ATP6V0D1: variants seen among roughly 807,000 people sequenced by gnomAD.
The protein encoded by ATP6V0D1 is V-type proton ATPase subunit d 1.
A neutral mutation model predicts 39.0 loss-of-function variants in ATP6V0D1; 13 were observed. The observed-to-expected ratio is 0.33, with a 90% CI of 0.22 to 0.53. The LOEUF (loss-of-function observed/expected upper bound fraction) is 0.53, where lower values mean the gene tolerates loss of function less well. ATP6V0D1 is among the 20% of genes least tolerant of loss of function. The pLI, the probability that ATP6V0D1 is intolerant of heterozygous loss-of-function variation, is 0.94. For missense variants in ATP6V0D1, 272 were observed against 470.9 expected, an observed-to-expected ratio of 0.58 and a Z score of 3.91; for synonymous variants, 191 against 191.2, an observed-to-expected ratio of 1.00 and a Z score of 0.01.
chr16:67,459,539 C>T (rs2041272602), intron 1 of ATP6V0D1, among the ~76,000 whole-genome samples: 1 of 152,238 alleles, frequency 6.6e-6, no homozygotes, highest in Non-Finnish European at 1.5e-5. Flanking sequence ...AATAGGAGGG[C>T]ATGGGACACT....
intron 1 of ATP6V0D1, among the ~76,000 whole-genome samples, chr16:67,460,541 G>C (rs1480069407): frequency 6.6e-6 from 1 of 152,198 alleles, no homozygotes; most frequent in South Asian, 2.1e-4. Flanking sequence ...CACAGTATGA[G>C]TGTCCTCTTC....
chr16:67,441,168 T>C (rs189330692), intron 4 of ATP6V0D1: 65 of 152,388 alleles, frequency 4.3e-4, no homozygotes, highest in African/African-American at 1.4e-3. Flanking sequence ...CTCTGGAGGC[T>C]AGGGCAGCTA....
At chr16:67,480,903 G>T (rs1461473074) in intron 1 of ATP6V0D1, 54 bp downstream of exon 1, 1 of 1,604,174 alleles carries the variant, frequency 6.2e-7, no homozygotes, top group Non-Finnish European at 8.5e-7. Flanking sequence ...CTACACCTCT[G>T]AACCCTCAGG....
intron 1 of ATP6V0D1, among the ~76,000 whole-genome samples, chr16:67,457,957 C>T (rs1401431635): frequency 1.3e-5 from 2 of 152,160 alleles, no homozygotes; most frequent in Non-Finnish European, 2.9e-5. Flanking sequence ...TTTAAAAGCC[C>T]CCAGGGACGA....
At chr16:67,469,569 T>TGTAAAGAGAAGTG (rs879935996) in intron 1 of ATP6V0D1, among the ~76,000 whole-genome samples, 137 of 152,218 alleles carry the variant, frequency 9.0e-4, no homozygotes, top group South Asian at 1.9e-3. Flanking sequence ...AGTCTTCAGG[T>TGTAAAGAGAAGTG]GTAAAGAGAA....
At chr16:67,475,256 G>A (rs888195762) in intron 1 of ATP6V0D1, among the ~76,000 whole-genome samples, 1 of 152,158 alleles carries the variant, frequency 6.6e-6, no homozygotes, top group Non-Finnish European at 1.5e-5. Context: ...TGTGCTAAAC[G>A]ACCTGCCACA....
At chr16:67,460,575 C>T (rs1282285321) in intron 1 of ATP6V0D1, among the ~76,000 whole-genome samples, 1 of 152,148 alleles carries the variant, frequency 6.6e-6, no homozygotes, top group African/African-American at 2.4e-5. Flanking sequence ...CTGCCAGGGC[C>T]CTTCGCAGGC....
chr16:67,462,133 G>T (rs1022937391), intron 1 of ATP6V0D1, among the ~76,000 whole-genome samples: 1 of 152,132 alleles, frequency 6.6e-6, no homozygotes, highest in Non-Finnish European at 1.5e-5. Flanking sequence ...GATCCGCCTG[G>T]ACAGCCCGTC....
intron 1 of ATP6V0D1, among the ~76,000 whole-genome samples, chr16:67,462,840 A>C (rs1025887379): frequency 4.0e-5 from 6 of 151,836 alleles, no homozygotes; most frequent in East Asian, 3.9e-4. Flanking sequence ...AAAAAAAAAA[A>C]AAACCTGGCC....
At chr16:67,448,282 A>T (rs547059349) in intron 2 of ATP6V0D1, among the ~76,000 whole-genome samples, 5 of 135,624 alleles carry the variant, frequency 3.7e-5, no homozygotes, top group Non-Finnish European at 7.5e-5. Flanking sequence ...AGCCCAGGAG[A>T]TCAAGGCTGC....
intron 2 of ATP6V0D1, among the ~76,000 whole-genome samples, chr16:67,451,110 G>T (rs2041174616): frequency 1.3e-5 from 2 of 152,206 alleles, no homozygotes. Context: ...CTTGAGGCTG[G>T]CTAAGAGGGT....
intron 2 of ATP6V0D1, chr16:67,452,512 G>A: frequency 1.1e-6 from 1 of 923,080 alleles, no homozygotes; most frequent in Non-Finnish European, 1.7e-6. Context: ...CAGGTCCCAA[G>A]GAAAAGAGTG....
intron 1 of ATP6V0D1, among the ~76,000 whole-genome samples, chr16:67,460,302 G>C (rs1400649986): frequency 6.6e-6 from 1 of 150,490 alleles, no homozygotes; most frequent in Non-Finnish European, 1.5e-5. Context: ...GGCCAGGCTG[G>C]TGGCCCAACA....
rs1461545021 is a variant in ATP6V0D1 at position 67,456,865 on chromosome 16, G to GC, written c.131-3151dup. On this transcript the variant is annotated intron_variant, in intron 1 of 7. Transcript: ENST00000290949. This position sits in a 1 kb window ranked among gnomAD's most constrained non-coding sequence, Gnocchi z 4.1. ...GCATCAGGGGCTGGGCCTCACCCGG[G>GC]CATCTGTGTACACACTGCTCTTCCA... is the stretch of plus-strand genomic sequence containing the variant. The GC allele has an allele frequency of 1.3e-5, 2 of 152,306 alleles. No individual in the cohort carries two copies. The highest frequency in any genetic ancestry group is 2.9e-5 in the Non-Finnish European group (2 of 68,150). The allele number at this position is 152,306 out of a possible 1,614,324, so 9.4% of individuals were successfully genotyped here.
chr16:67,445,967 T>G (rs1307804885), intron 2 of ATP6V0D1: 1 of 455,834 alleles, frequency 2.2e-6, no homozygotes, highest in Admixed American at 2.4e-5. Context: ...GTGAGGCACC[T>G]ATGGGATAAA....
At chr16:67,452,556 A>T in intron 2 of ATP6V0D1, 1 of 715,060 alleles carries the variant, frequency 1.4e-6, no homozygotes, top group East Asian at 2.7e-5. Flanking sequence ...TAAAAGTTAG[A>T]CAATACCCAG....
rs144456315 is a variant in ATP6V0D1, at chr16:67,445,492, G to T, written c.303-786C>A. Reference sequence around the variant, plus strand: ...GGGGTTCTCTGGAATGAAGGCCCAGGTCAGGCAGACCTGCACAGCCTATGC... The same window carrying T: ...GGGGTTCTCTGGAATGAAGGCCCAGTTCAGGCAGACCTGCACAGCCTATGC... On this transcript the variant is annotated intron_variant, in intron 2 of 7. Coordinates refer to ENST00000290949, the MANE Select transcript of ATP6V0D1 (RefSeq NM_004691.5). Among the ~76,000 whole-genome samples the T allele has an allele frequency of 6.1e-3, 924 of 152,298 alleles. 8 individuals carry two copies. The highest frequency in any genetic ancestry group is 0.022 in the African/African-American group (896 of 41,554).
In ATP6V0D1 at chr16:67,453,121, C is replaced by T. The variant is rs1426943967; in HGVS notation, c.302+423G>A. On this transcript the variant is annotated intron_variant, in intron 2 of 7. Transcript: ENST00000290949. The surrounding 1 kb of genome is among the most constrained non-coding windows in gnomAD (Gnocchi z 4.1). Reference sequence around the variant, plus strand: ...AGCTCTGTCCATCCCGACACCTGACCCCTCGCATGGGGAGTGGGGCCTGGT... The same window carrying T: ...AGCTCTGTCCATCCCGACACCTGACTCCTCGCATGGGGAGTGGGGCCTGGT... Among the ~76,000 whole-genome samples the T allele has an allele frequency of 6.6e-6, 1 of 152,142 alleles. No homozygotes were observed. Among genetic ancestry groups the T allele is most frequent in the Non-Finnish European group, 1.5e-5 (1 of 68,004 alleles).
intron 1 of ATP6V0D1, among the ~76,000 whole-genome samples, chr16:67,478,613 CAA>C (rs1292018624): frequency 2.5e-4 from 13 of 51,526 alleles, no homozygotes; most frequent in African/African-American, 2.9e-4. Context: ...GACTCTGTCT[CAA>C]AAAAAAAAAA....
Sources: allele counts gnomAD v4.1 joint callset (sites outside exome capture counted in the v4.1 genomes callset), GRCh38; gene constraint gnomAD v4.1.1; non-coding constraint Gnocchi (gnomAD v3.1); transcripts MANE v1.5; gene names NCBI Gene and HGNC (gene_info 2026-07-23, HGNC 2026-07-21).